Variants in SRGAP1 observed in about 807,000 individuals in gnomAD.
The protein encoded by SRGAP1 is SLIT-ROBO Rho GTPase-activating protein 1.
A neutral mutation model predicts 121.9 loss-of-function variants in SRGAP1; 43 were observed. That is an observed-to-expected ratio of 0.35 (90% CI 0.28 to 0.46). SRGAP1 has a LOEUF of 0.46. SRGAP1 is among the 20% of genes least tolerant of loss of function. SRGAP1 has a pLI of 1.00. For missense variants in SRGAP1, 1,102 were observed against 1,350.9 expected (o/e 0.82, Z 2.89); for synonymous variants, 447 against 485.4 (o/e 0.92, Z 1.04).
intron 10 of SRGAP1, chr12:64,081,528 CAAATA>C (rs1565672459): frequency 1.3e-5 from 2 of 149,204 alleles, no homozygotes; most frequent in African/African-American, 4.9e-5. Flanking sequence ...ATAAAATAAC[CAAATA>C]CAATGTATGA....
At chr12:63,890,503 A>G (rs4346062) in intron 1 of SRGAP1, among the ~76,000 whole-genome samples, 7,393 of 152,300 alleles carry the variant, frequency 0.049, 247 homozygotes, top group East Asian at 0.14. Flanking sequence ...GAAGCTAGAA[A>G]AGCAGCTGAC....
rs201170742 is a variant in SRGAP1, at chr12:64,091,315, G to A, written c.1476G>A (p.Lys492=). 86 of 1,610,710 alleles carry A rather than the reference G, an allele frequency of 5.3e-5. No homozygotes were observed. The highest frequency in any genetic ancestry group is 7.1e-5 in the Non-Finnish European group (84 of 1,178,006). ...CCCCTAAGCCCCAGAAACACAGGAA[G>A]TCCAGGCCCCGCTCACAGTATAATA... ...NVPPKPQKHR[K]SRPRSQYNTK... Residue 492 remains lysine (K), a synonymous_variant, in exon 12 of 22, where the codon AAG becomes AAA. Transcript: ENST00000355086.
chr12:63,888,207 A>C (rs878948512), intron 1 of SRGAP1: 2 of 152,212 alleles, frequency 1.3e-5, no homozygotes, highest in African/African-American at 4.8e-5. Flanking sequence ...CTCTTCTCCA[A>C]GGGGAGCTGC....
chr12:64,108,737 G>T (rs1304197450), intron 15 of SRGAP1, 195 bp from the exon 16 acceptor site: 1 of 387,410 alleles, frequency 2.6e-6, no homozygotes, highest in East Asian at 3.7e-5. Flanking sequence ...AACGGTAAGG[G>T]TCAGAGGAGA....
In SRGAP1 at chr12:64,120,198, CAT is replaced by C. The variant is rs1230487650; in HGVS notation, c.2224+4308_2224+4309del. 2.0e-5 allele frequency among the ~76,000 whole-genome samples: 3 copies of C among 152,156 alleles called. No homozygotes were observed. The East Asian group carries it at 5.8e-4, about 29-fold the overall frequency. The stretch of plus-strand genomic sequence containing the variant: ...ATCAGAATATGTGTCTGATAATTTC[CAT>C]ATGTCTTCCCAAATTTGTTTTGTTG... On this transcript the variant is annotated intron_variant, in intron 18 of 21. Transcript: ENST00000355086.
At chr12:64,064,445 G>A (rs528110314) in intron 7 of SRGAP1, among the ~76,000 whole-genome samples, 2 of 152,250 alleles carry the variant, frequency 1.3e-5, no homozygotes, top group Non-Finnish European at 2.9e-5. Context: ...GAAGTTCATG[G>A]TGAATCACGT....
At chr12:63,929,550 T>C (rs753133387) in intron 1 of SRGAP1, among the ~76,000 whole-genome samples, 1 of 151,600 alleles carries the variant, frequency 6.6e-6, no homozygotes, top group Non-Finnish European at 1.5e-5. Flanking sequence ...TTCTGGGGAT[T>C]GTGGTGTTTT....
chr12:63,976,787 A>G (rs568130535), intron 1 of SRGAP1, among the ~76,000 whole-genome samples: 1 of 152,278 alleles, frequency 6.6e-6, no homozygotes, highest in Non-Finnish European at 1.5e-5. Flanking sequence ...GCCACATGTC[A>G]CATGACTTGT....
At chr12:64,109,110 G>T in intron 16 of SRGAP1, 73 bp downstream of exon 16, 3 of 999,204 alleles carry the variant, frequency 3.0e-6, no homozygotes, top group Non-Finnish European at 2.8e-6. Flanking sequence ...TAAAATGTAC[G>T]TTGGGTTCCA....
chr12:64,141,628 T>G (rs1271290000), intron 21 of SRGAP1, among the ~76,000 whole-genome samples: 2 of 151,874 alleles, frequency 1.3e-5, no homozygotes, highest in Admixed American at 6.6e-5. Flanking sequence ...TTCATAAACT[T>G]TTATCATAAG....
intron 2 of SRGAP1, 42 bp downstream of exon 2, chr12:63,984,184 C>T: frequency 8.7e-7 from 1 of 1,153,564 alleles, no homozygotes; most frequent in Non-Finnish European, 1.2e-6. Flanking sequence ...AGGGTGATAT[C>T]CATACTGCCT....
intron 18 of SRGAP1, among the ~76,000 whole-genome samples, chr12:64,117,710 T>A (rs7968527): frequency 0.071 from 10,751 of 152,198 alleles, 1,288 homozygotes; most frequent in African/African-American, 0.24. Flanking sequence ...GAGCTTGTTC[T>A]CCTTGCTTGA....
At position 63,844,821 on chromosome 12, in the gene SRGAP1, C is replaced by A. The variant is rs1463706382; in HGVS notation, c.5C>A (p.Ser2Tyr). The A allele has an allele frequency of 1.9e-6, 3 of 1,614,054 alleles. No individual in the cohort carries two copies. The highest frequency in any genetic ancestry group is 1.7e-6 in the Non-Finnish European group (2 of 1,180,024). M[S>Y]TPSRFKKDKE... ...CAAACCCGGAACAGCTGGATAATGT[C>A]CACCCCGAGCCGATTCAAGAAGGAC... Residue 2 changes from serine to tyrosine, a missense_variant, in exon 1 of 22, where the codon TCC (serine) becomes TAC (tyrosine). Transcript: ENST00000355086. This position sits in a 1 kb window ranked among gnomAD's most constrained non-coding sequence, Gnocchi z 4.3.
In SRGAP1 at chr12:64,115,843, T is replaced by G; in HGVS notation, c.2174T>G (p.Leu725Trp). The change falls in exon 18 of 22, where the codon TTG becomes TGG. Residue 725 changes from leucine (L) to tryptophan (W), a missense_variant. Physicochemically the swap from Leu to Trp is moderately conservative, Grantham distance 61. Transcript: ENST00000355086. ...AGCCCATACAGTGAGCACGGTACAT[T>G]GGAGGAAGTGGACCAAGATGCTGGT... The part of the protein sequence containing the change: ...CDSPYSEHGT[L>W]EEVDQDAGTE... The G allele has an allele frequency of 6.2e-6, 10 of 1,613,712 alleles. No homozygotes were observed. Among genetic ancestry groups the G allele is most frequent in the Non-Finnish European group, 8.5e-6 (10 of 1,179,788 alleles).
chr12:63,906,140 A>G (rs947762283), intron 1 of SRGAP1, among the ~76,000 whole-genome samples: 4 of 152,142 alleles, frequency 2.6e-5, no homozygotes, highest in African/African-American at 9.7e-5. Context: ...ATCAAATAAC[A>G]TGTAGTATTT....
intron 3 of SRGAP1, among the ~76,000 whole-genome samples, chr12:63,999,477 G>A (rs113083993): frequency 1.4e-3 from 208 of 152,266 alleles, no homozygotes; most frequent in African/African-American, 4.9e-3. Context: ...GGTTGTGGCA[G>A]TAGAAACAGA....
intron 21 of SRGAP1, among the ~76,000 whole-genome samples, chr12:64,139,938 C>A (rs1322234673): frequency 1.3e-5 from 2 of 151,504 alleles, no homozygotes; most frequent in African/African-American, 4.9e-5. Context: ...AGGAAGGGAT[C>A]CAGTTTCAGC....
intron 1 of SRGAP1, among the ~76,000 whole-genome samples, chr12:63,904,014 T>C (rs1341674026): frequency 6.6e-6 from 1 of 152,196 alleles, no homozygotes; most frequent in Non-Finnish European, 1.5e-5. Context: ...AGTTAAAAAA[T>C]AAACTCCATG....
intron 1 of SRGAP1, among the ~76,000 whole-genome samples, chr12:63,979,020 C>A (rs1481477833): frequency 7.3e-6 from 1 of 137,220 alleles, no homozygotes; most frequent in Non-Finnish European, 1.6e-5. Context: ...GGAGAAATGT[C>A]TGTTGAGACC....
Sources: allele counts gnomAD v4.1 joint callset (sites outside exome capture counted in the v4.1 genomes callset), GRCh38; gene constraint gnomAD v4.1.1; non-coding constraint Gnocchi (gnomAD v3.1); transcripts MANE v1.5; gene names NCBI Gene and HGNC (gene_info 2026-07-23, HGNC 2026-07-21).